Variants in STXBP4 observed in about 807,000 individuals in gnomAD.
The protein encoded by STXBP4 is syntaxin-binding protein 4.
Under a neutral mutation model 76.1 loss-of-function variants are expected in STXBP4, and 55 were observed. That is an observed-to-expected ratio of 0.72 (90% CI 0.58 to 0.91). The LOEUF (loss-of-function observed/expected upper bound fraction) is 0.91, where lower values mean the gene tolerates loss of function less well. Ranked by LOEUF, STXBP4 falls within the 40% of genes least tolerant of loss-of-function variation. STXBP4 has a pLI of 0.00. For synonymous variants in STXBP4, 201 were observed against 220.2 expected (o/e 0.91, Z 0.77); for missense variants, 618 against 636.9 (o/e 0.97, Z 0.32).
chr17:55,060,430 G>A (rs754199412), intron 12 of STXBP4, among the ~76,000 whole-genome samples: 12 of 152,034 alleles, frequency 7.9e-5, no homozygotes, highest in Admixed American at 1.3e-4. Flanking sequence ...AAATTTAAAT[G>A]GTGTGAAATT....
chr17:54,990,892 A>G lies in STXBP4; in HGVS notation c.115A>G (p.Ile39Val). 6.2e-7 allele frequency: 1 copy of G among 1,604,988 alleles called. No individual in the cohort carries two copies. The highest frequency in any genetic ancestry group is 8.5e-7 in the Non-Finnish European group (1 of 1,176,864). ...TGLGLKVLGG[I>V]NRNEGPLVYI... ...CCTTGGCCTGAAGGTACTAGGAGGA[A>G]TTAACCGGAATGAAGGCCCATTGGT... The change falls in exon 4 of 18, where the codon ATT becomes GTT. Residue 39 changes from isoleucine (I) to valine (V), a missense_variant. Transcript: ENST00000376352.
chr17:54,999,456 C>T lies in STXBP4; in HGVS notation c.287+5C>T, dbSNP rs200693292. 6,881 of 1,601,828 alleles carry T rather than the reference C, an allele frequency of 4.3e-3. 34 individuals are homozygous for T. Among genetic ancestry groups the T allele is most frequent in the Admixed American group, 5.9e-3 (346 of 59,066 alleles). On this transcript the variant is annotated splice_donor_5th_base_variant and intron_variant, in intron 5 of 17. Coordinates refer to ENST00000376352, the MANE Select transcript of STXBP4 (RefSeq NM_178509.6). ...AATTACCGGAGCCAAGTTGAGGTAA[C>T]TATACTATCCATGAGATAGAATGAG...
chr17:55,049,578 G>T (rs1054317178), intron 12 of STXBP4, among the ~76,000 whole-genome samples: 1 of 151,772 alleles, frequency 6.6e-6, no homozygotes, highest in African/African-American at 2.4e-5. Flanking sequence ...AGTAATAATG[G>T]AAAGGTAACC....
Position 55,078,729 on chromosome 17 carries a change from A to G in STXBP4, c.1349A>G (p.Asn450Ser). The G allele has an allele frequency of 5.8e-6, 9 of 1,539,178 alleles. No homozygotes were observed. Among genetic ancestry groups the G allele is most frequent in the Non-Finnish European group, 8.1e-6 (9 of 1,114,266 alleles). Residue 450 changes from asparagine to serine, a missense_variant, in exon 15 of 18, where the codon AAT becomes AGT. Asn to Ser is a conservative substitution (Grantham distance 46). Transcript: ENST00000376352. ...TCTGATAATTCTACTCCTTTATCAAATTTAAGGTAAGAAAATTTAAGTGCT... is the reference window on the plus strand; with the variant it reads ...TCTGATAATTCTACTCCTTTATCAAGTTTAAGGTAAGAAAATTTAAGTGCT... ...VFSDNSTPLS[N>S]LSERRAVLAS...
chr17:54,969,617 T>C (rs1365959874), intron 1 of STXBP4, among the ~76,000 whole-genome samples: 1 of 152,238 alleles, frequency 6.6e-6, no homozygotes, highest in African/African-American at 2.4e-5. Flanking sequence ...ATAGTAAGAA[T>C]GTAGTTAAAA....
intron 4 of STXBP4, among the ~76,000 whole-genome samples, chr17:54,996,168 C>A (rs1357401700): frequency 6.6e-6 from 1 of 151,090 alleles, no homozygotes; most frequent in Non-Finnish European, 1.5e-5. Context: ...GAGAAAACTT[C>A]CAGCAGAGAT....
At chr17:55,044,996 C>T (rs2078766457) in intron 11 of STXBP4, among the ~76,000 whole-genome samples, 1 of 152,002 alleles carries the variant, frequency 6.6e-6, no homozygotes, top group African/African-American at 2.4e-5. Flanking sequence ...GGACATTAGA[C>T]TATTTCCAGT....
intron 1 of STXBP4, among the ~76,000 whole-genome samples, chr17:54,980,338 A>G (rs1198118919): frequency 6.6e-6 from 1 of 152,238 alleles, no homozygotes; most frequent in African/African-American, 2.4e-5. Context: ...GGAATTAACT[A>G]AATAAGAAAT....
At chr17:55,088,787 T>C (rs887047662) in intron 16 of STXBP4, among the ~76,000 whole-genome samples, 9 of 152,164 alleles carry the variant, frequency 5.9e-5, no homozygotes, top group Admixed American at 2.0e-4. Flanking sequence ...TATACACATT[T>C]TGGATCCATT....
intron 12 of STXBP4, among the ~76,000 whole-genome samples, chr17:55,065,210 A>G (rs2079036879): frequency 6.6e-6 from 1 of 152,146 alleles, no homozygotes; most frequent in Non-Finnish European, 1.5e-5. Context: ...TTCTTGGGCC[A>G]TGTTTCCTCT....
chr17:55,185,978 C>T, the STXBP4 span, among the ~76,000 whole-genome samples: 1 of 152,182 alleles, frequency 6.6e-6, no homozygotes, highest in African/African-American at 2.4e-5. Context: ...GGCACCAGAG[C>T]ATGAAGCAGC....
chr17:55,091,420 A>G (rs372382891), intron 16 of STXBP4, among the ~76,000 whole-genome samples: 2 of 152,306 alleles, frequency 1.3e-5, no homozygotes, highest in African/African-American at 4.8e-5. Flanking sequence ...TTTCTTATAC[A>G]GATTGAACAT....
In STXBP4 at chr17:55,047,146, G is replaced by A. The variant is rs373222193; in HGVS notation, c.1003G>A (p.Val335Met). Residue 335 changes from valine (V) to methionine (M), a missense_variant, in exon 12 of 18, where the codon GTG (valine) becomes ATG (methionine). By Grantham distance (21) the Val-to-Met change is conservative. Coordinates refer to ENST00000376352, the MANE Select transcript of STXBP4 (RefSeq NM_178509.6). ...ACAATTGACAGAAGAGCTCCAGAAT[G>A]TGAAACAAGTAAGTATATGTATTGT... is the stretch of plus-strand genomic sequence containing the variant. The part of the protein sequence containing the change: ...RKQLTEELQN[V>M]KQEAKAVVEE... The A allele has an allele frequency of 1.2e-6, 2 of 1,600,112 alleles. No homozygotes were observed. The highest frequency in any genetic ancestry group is 2.7e-5 in the African/African-American group (2 of 74,308).
Position 55,172,172 on chromosome 17 carries a change from C to A in STXBP4, c.*12261C>A, listed in dbSNP as rs984698552. On this transcript the variant is annotated 3_prime_UTR_variant, in exon 18 of 18. Coordinates refer to ENST00000376352, the MANE Select transcript of STXBP4 (RefSeq NM_178509.6). The stretch of plus-strand genomic sequence containing the variant: ...GTAAGAACAAACTTCCAAGTGGCAC[C>A]ATCTTAAAGGTGCAAGCCCATGTGG... 1 of 152,170 alleles carries A rather than the reference C, an allele frequency of 6.6e-6. No individual in the cohort carries two copies. Among genetic ancestry groups the A allele is most frequent in the Admixed American group, 6.5e-5 (1 of 15,286 alleles). 9.4% of individuals were successfully genotyped at this position (152,170 alleles called of 1,614,324 possible). A position where few individuals can be genotyped will look rare whatever the true frequency, so the allele number is the denominator to read the frequency against.
chr17:55,138,916 C>T (rs1213657379), intron 16 of STXBP4, among the ~76,000 whole-genome samples: 1 of 152,024 alleles, frequency 6.6e-6, no homozygotes, highest in Non-Finnish European at 1.5e-5. Context: ...AGATTAATTA[C>T]TATCATTTTA....
chr17:55,065,090 A>G (rs1373383968), intron 12 of STXBP4, among the ~76,000 whole-genome samples: 1 of 152,130 alleles, frequency 6.6e-6, no homozygotes, highest in Non-Finnish European at 1.5e-5. Context: ...GTATGGGGCT[A>G]TCTGGTCTTT....
At chr17:55,093,315 C>T (rs142077567) in intron 16 of STXBP4, among the ~76,000 whole-genome samples, 306 of 152,268 alleles carry the variant, frequency 2.0e-3, no homozygotes, top group Middle Eastern at 0.01. Context: ...TAATGAAAGT[C>T]AGCTATACTA....
chr17:54,969,776 G>A (rs9915183), intron 1 of STXBP4, among the ~76,000 whole-genome samples: 42,643 of 151,990 alleles, frequency 0.28, 6,240 homozygotes, highest in African/African-American at 0.35. Flanking sequence ...TCTCAACTGT[G>A]GGCCTGACAC....
chr17:55,197,668 G>A, the STXBP4 span, among the ~76,000 whole-genome samples: 1 of 152,056 alleles, frequency 6.6e-6, no homozygotes, highest in Non-Finnish European at 1.5e-5. Flanking sequence ...CCGTGAACTG[G>A]GGAGGCGGAG....
Sources: allele counts gnomAD v4.1 joint callset (sites outside exome capture counted in the v4.1 genomes callset), GRCh38; gene constraint gnomAD v4.1.1; transcripts MANE v1.5; gene names NCBI Gene and HGNC (gene_info 2026-07-23, HGNC 2026-07-21).